Variants in DVL2 observed in about 807,000 individuals in gnomAD.
DVL2 encodes the protein segment polarity protein dishevelled homolog DVL-2.
Under a neutral mutation model 69.8 loss-of-function variants are expected in DVL2, and 38 were observed. The ratio of observed to expected loss-of-function variants is 0.54; its 90% confidence interval spans 0.42 to 0.71. The LOEUF (loss-of-function observed/expected upper bound fraction) is 0.71, where lower values mean the gene tolerates loss of function less well. DVL2 is among the 30% of genes least tolerant of loss of function. The probability of loss-of-function intolerance (pLI) is 0.00; values close to 1 mark genes in which losing one functional copy is unlikely to be tolerated. For missense variants in DVL2, 931 were observed against 1,008.1 expected, an observed-to-expected ratio of 0.92 and a Z score of 1.04; for synonymous variants, 428 against 392.4, an observed-to-expected ratio of 1.09 and a Z score of -1.07.
At position 7,227,238 on chromosome 17, in the gene DVL2, G is replaced by T. The variant is rs374542663; in HGVS notation, c.1395C>A (p.His465Gln). The T allele has an allele frequency of 6.2e-7, 1 of 1,613,122 alleles. No individual in the cohort carries two copies. The highest frequency in any genetic ancestry group is 1.1e-5 in the South Asian group (1 of 90,932). Reference sequence around the variant, plus strand: ...CCCGCCGCTCAGGAAAGCCCTCCACGTGATGGTAGAGCCAGTCAACCACAT... The same window carrying T: ...CCCGCCGCTCAGGAAAGCCCTCCACTTGATGGTAGAGCCAGTCAACCACAT... Reference protein sequence around the residue: ...GSDVVDWLYHHVEGFPERREA... With the variant: ...GSDVVDWLYHQVEGFPERREA... Residue 465 changes from histidine (H) to glutamine (Q), a missense_variant, in exon 13 of 15, where the codon CAC becomes CAA. His to Gln is a conservative substitution (Grantham distance 24). Around this residue, in one of 3 missense-constraint regions of DVL2, gnomAD observed 62 missense variants for 105.7 expected, o/e 0.59. Coordinates refer to ENST00000005340, the MANE Select transcript of DVL2 (RefSeq NM_004422.3).
intron 1 of DVL2, among the ~76,000 whole-genome samples, chr17:7,231,447 A>C (rs1045297954): frequency 1.4e-4 from 6 of 42,054 alleles, no homozygotes; most frequent in African/African-American, 8.1e-4. Context: ...TGGGCGGCTC[A>C]AAAAAAAAAA....
intron 1 of DVL2, among the ~76,000 whole-genome samples, chr17:7,231,882 A>C (rs1042546407): frequency 1.1e-4 from 16 of 151,342 alleles, no homozygotes; most frequent in South Asian, 4.2e-4. Context: ...AAAAAAAAAA[A>C]CCACCCATTG....
chr17:7,233,683 C>T (rs1457888833), intron 1 of DVL2, among the ~76,000 whole-genome samples: 4 of 152,096 alleles, frequency 2.6e-5, no homozygotes, highest in Admixed American at 2.6e-4. Context: ...CTCCTGACCT[C>T]GTGATCCGCC....
At chr17:7,231,749 G>C (rs909780696) in intron 1 of DVL2, among the ~76,000 whole-genome samples, 24 of 151,278 alleles carry the variant, frequency 1.6e-4, no homozygotes, top group African/African-American at 5.8e-4. Context: ...TATAATCCCA[G>C]CTACTCCGGA....
At chr17:7,232,859 G>A (rs1206394706) in intron 1 of DVL2, among the ~76,000 whole-genome samples, 1 of 152,140 alleles carries the variant, frequency 6.6e-6, no homozygotes, top group Non-Finnish European at 1.5e-5. Context: ...GGAGGCTGAG[G>A]CGGGCGAATC....
At position 7,227,986 on chromosome 17, in the gene DVL2, G is replaced by A; in HGVS notation, c.1093C>T (p.Leu365Phe). Residue 365 changes from leucine (L) to phenylalanine (F), a missense_variant, in exon 10 of 15, where the codon CTC (leucine) becomes TTC (phenylalanine). Physicochemically the swap from Leu to Phe is conservative, Grantham distance 22 (BLOSUM62 0). This residue lies in a region of DVL2 where 555 missense variants were observed against 588.8 expected (regional missense o/e 0.94). Transcript: ENST00000005340. ...CCTGAGTGTCACTCACTTCGGGGGA[G>A]AGTGAAATAGGCCTGAGGAGAGGGA... ...WDPSPQAYFT[L>F]PRNEPIQPID... 1.9e-6 allele frequency: 3 copies of A among 1,571,948 alleles called. No homozygotes were observed. The highest frequency in any genetic ancestry group is 1.2e-5 in the South Asian group (1 of 83,236).
rs918211609 is a variant in DVL2, at chr17:7,225,614, G to A, written c.*251C>T. 2 of 537,980 alleles carry A rather than the reference G, an allele frequency of 3.7e-6. No homozygotes were observed. The highest frequency in any genetic ancestry group is 3.3e-5 in the East Asian group (1 of 30,472). 33.3% of individuals were successfully genotyped at this position (537,980 alleles called of 1,614,324 possible). ...TGCCTATTAAAAAAGTCCCAAAAAT[G>A]TAAGAAACTCTATTTTAACCCCCAA... On this transcript the variant is annotated 3_prime_UTR_variant, in exon 15 of 15. Transcript: ENST00000005340.
intron 9 of DVL2, chr17:7,228,624 A>G: frequency 4.2e-6 from 1 of 240,414 alleles, no homozygotes; most frequent in Non-Finnish European, 8.1e-6. Context: ...TCTGTCGCCC[A>G]GGCTGGAGTG....
intron 9 of DVL2, 93 bp from the exon 10 acceptor site, chr17:7,228,137 A>G: frequency 9.4e-7 from 1 of 1,064,914 alleles, no homozygotes; most frequent in Non-Finnish European, 1.4e-6. Context: ...AGAGACACAA[A>G]GAGGGGGAGA....
Position 7,226,079 on chromosome 17 carries a change from G to A in DVL2, c.1997C>T (p.Pro666Leu), listed in dbSNP as rs1438850368. The A allele has an allele frequency of 6.3e-7, 1 of 1,598,794 alleles. No homozygotes were observed. ...PNLRAHPGLH[P>L]YGPPPGMALP... is the part of the protein sequence containing the mutation. Reference sequence around the variant, plus strand: ...GGCCATGCCAGGGGGCGGTCCATAGGGATGGAGCCCTGGGTGGGCTCGGAG... The same window carrying A: ...GGCCATGCCAGGGGGCGGTCCATAGAGATGGAGCCCTGGGTGGGCTCGGAG... Residue 666 changes from proline to leucine, a missense_variant, in exon 15 of 15, where the codon CCC becomes CTC. This residue lies in a region of DVL2 where 314 missense variants were observed against 313.7 expected (regional missense o/e 1.00). Coordinates refer to ENST00000005340, the MANE Select transcript of DVL2 (RefSeq NM_004422.3).
At chr17:7,230,254 T>G in intron 3 of DVL2, 31 bp downstream of exon 3, 1 of 1,613,142 alleles carries the variant, frequency 6.2e-7, no homozygotes, top group Non-Finnish European at 8.5e-7. Flanking sequence ...CTCACCTCCC[T>G]CCCCTGCAGT....
Position 7,228,011 on chromosome 17 carries a change from A to G in DVL2, c.1068T>C (p.Asp356=). 1 of 1,555,664 alleles carries G rather than the reference A, an allele frequency of 6.4e-7. No homozygotes were observed. The highest frequency in any genetic ancestry group is 1.2e-5 in the South Asian group (1 of 80,814). The stretch of plus-strand genomic sequence containing the variant: ...GAGTGAAATAGGCCTGAGGAGAGGG[A>G]TCCCAGCACTTGGCCACAGTCAGCA... The part of the protein sequence containing the change: ...PIVLTVAKCW[D]PSPQAYFTLP... Residue 356 remains aspartate (D), a synonymous_variant, in exon 10 of 15, where the codon GAT becomes GAC. Coordinates refer to ENST00000005340, the MANE Select transcript of DVL2 (RefSeq NM_004422.3).
Position 7,229,524 on chromosome 17 carries a change from C to T in DVL2, c.747+64G>A, listed in dbSNP as rs764637328. 2.5e-5 allele frequency: 40 copies of T among 1,610,634 alleles called. No individual in the cohort carries two copies. Among genetic ancestry groups the T allele is most frequent in the Middle Eastern group, 1.6e-4 (1 of 6,064 alleles). The stretch of plus-strand genomic sequence containing the variant: ...TGGGGTGCTGCCGGTGTCCTGGCAC[C>T]GCCCAAACCAAAGCCCATGCCCCAC... On this transcript the variant is annotated intron_variant, in intron 6 of 14. Coordinates refer to ENST00000005340, the MANE Select transcript of DVL2 (RefSeq NM_004422.3). This position sits in a 1 kb window ranked among gnomAD's most constrained non-coding sequence, Gnocchi z 4.4.
chr17:7,231,811 T>G (rs2071546437), intron 1 of DVL2, among the ~76,000 whole-genome samples: 1 of 141,250 alleles, frequency 7.1e-6, no homozygotes, highest in Non-Finnish European at 1.5e-5. Context: ...TGCAGTGAGC[T>G]GAGATTGCGC....
In DVL2 at chr17:7,226,625, A is replaced by G; in HGVS notation, c.1558T>C (p.Ser520Pro). The G allele has an allele frequency of 6.4e-7, 1 of 1,569,382 alleles. No homozygotes were observed. The highest frequency in any genetic ancestry group is 8.6e-7 in the Non-Finnish European group (1 of 1,160,164). Residue 520 changes from serine to proline, a missense_variant, in exon 14 of 15, where the codon TCT becomes CCT. By Grantham distance (74) the Ser-to-Pro change is moderately conservative. This residue lies in a region of DVL2 where 314 missense variants were observed against 313.7 expected (regional missense o/e 1.00). Coordinates refer to ENST00000005340, the MANE Select transcript of DVL2 (RefSeq NM_004422.3). ...GGCESYLVNL[S>P]LNDNDGSSGA... ...CTGGAGCCATCGTTGTCATTGAGAG[A>G]CAGGTTGACTAGGTCTGGAAAGCAA...
Position 7,226,603 on chromosome 17 carries a change from G to C in DVL2, c.1580C>G (p.Ser527Cys). 6.3e-7 allele frequency: 1 copy of C among 1,589,278 alleles called. No homozygotes were observed. The highest frequency in any genetic ancestry group is 8.5e-7 in the Non-Finnish European group (1 of 1,170,318). The change falls in exon 14 of 15, where the codon TCC (serine) becomes TGC (cysteine). Residue 527 changes from serine to cysteine, a missense_variant. This residue lies in a region of DVL2 where 314 missense variants were observed against 313.7 expected (regional missense o/e 1.00). Coordinates refer to ENST00000005340, the MANE Select transcript of DVL2 (RefSeq NM_004422.3). ...VNLSLNDNDG[S>C]SGASDQDTLA... ...GGTATCCTGGTCTGAAGCCCCACTG[G>C]AGCCATCGTTGTCATTGAGAGACAG...
At chr17:7,233,292 G>C (rs1354786946) in intron 1 of DVL2, among the ~76,000 whole-genome samples, 4 of 151,898 alleles carry the variant, frequency 2.6e-5, no homozygotes, top group Non-Finnish European at 5.9e-5. Flanking sequence ...CACCAGTCTA[G>C]ATTGGAACAT....
chr17:7,227,725 A>G lies in DVL2; in HGVS notation c.1161T>C (p.Thr387=), dbSNP rs2071479810. Residue 387 remains threonine (T), a synonymous_variant, in exon 11 of 15, where the codon ACT becomes ACC. Transcript: ENST00000005340. Reference sequence around the variant, plus strand: ...AACCTGGATAGGCTGGGAAGGTGCCAGTCAGAGCCGCGGAATGGGACACCC... The same window carrying G: ...AACCTGGATAGGCTGGGAAGGTGCCGGTCAGAGCCGCGGAATGGGACACCC... ...AAWVSHSAAL[T]GTFPAYPGSS... 6.2e-7 allele frequency: 1 copy of G among 1,608,488 alleles called. No homozygotes were observed. Among genetic ancestry groups the G allele is most frequent in the Non-Finnish European group, 8.5e-7 (1 of 1,177,414 alleles).
At chr17:7,227,020 G>T in intron 13 of DVL2, 70 bp downstream of exon 13, 1 of 1,486,034 alleles carries the variant, frequency 6.7e-7, no homozygotes. Flanking sequence ...TTCTGGGCTA[G>T]GTCTAGGGTT....
Sources: allele counts gnomAD v4.1 joint callset (sites outside exome capture counted in the v4.1 genomes callset), GRCh38; gene constraint gnomAD v4.1.1; regional missense constraint gnomAD v4.1.1; non-coding constraint Gnocchi (gnomAD v3.1); transcripts MANE v1.5; gene names NCBI Gene and HGNC (gene_info 2026-07-23, HGNC 2026-07-21).